The following SNAPC4 variants were observed in gnomAD, a reference collection of about 807,000 sequenced individuals.
The protein encoded by SNAPC4 is snRNA-activating protein complex subunit 4.
SNAPC4 carries 127 observed loss-of-function variants against 151.3 expected under a neutral mutation model. The ratio of observed to expected loss-of-function variants is 0.84; its 90% CI spans 0.73 to 0.97. The LOEUF (loss-of-function observed/expected upper bound fraction) is 0.97, where lower values mean the gene tolerates loss of function less well. Ranked by LOEUF, SNAPC4 falls within the 50% of genes least tolerant of loss-of-function variation. The pLI, the probability that SNAPC4 is intolerant of heterozygous loss-of-function variation, is 0.00. For synonymous variants in SNAPC4, 1,002 were observed against 824.4 expected (o/e 1.22, Z -3.69); for missense variants, 2,186 against 1,935.0 (o/e 1.13, Z -2.43).
chr9:136,378,432 C>A lies in SNAPC4; in HGVS notation c.3395G>T (p.Ser1132Ile). 1 of 1,594,864 alleles carries A rather than the reference C, an allele frequency of 6.3e-7. No individual in the cohort carries two copies. ...AQGPRAPALS[S>I]SWQPPANMNR... Reference sequence around the variant, plus strand: ...CATATTGGCTGGGGGCTGCCAAGAGCTGCTCAACGCTGGGGCCCTGGGGCC... The same window carrying A: ...CATATTGGCTGGGGGCTGCCAAGAGATGCTCAACGCTGGGGCCCTGGGGCC... The change falls in exon 22 of 24, where the codon AGC becomes ATC. Residue 1132 changes from serine to isoleucine, a missense_variant. Transcript: ENST00000684778.
Position 136,395,281 on chromosome 9 carries a change from G to A in SNAPC4, c.471+17C>T, listed in dbSNP as rs748903703. 19 of 1,610,852 alleles carry A rather than the reference G, an allele frequency of 1.2e-5. No individual in the cohort carries two copies. Among genetic ancestry groups the A allele is most frequent in the Middle Eastern group, 1.7e-4 (1 of 6,048 alleles). ...GTGCAGAGCCTTGCCGACAAGAGCA[G>A]GGCCTCGGCCACTCACCACGCCCGT... On this transcript the variant is annotated intron_variant, in intron 5 of 23. Coordinates refer to ENST00000684778, the MANE Select transcript of SNAPC4 (RefSeq NM_003086.4).
intron 18 of SNAPC4, 38 bp downstream of exon 18, chr9:136,381,786 C>T (rs755576623): frequency 9.4e-6 from 15 of 1,588,256 alleles, no homozygotes; most frequent in African/African-American, 2.7e-5. Context: ...CCTCACCCCT[C>T]GCCCCCAGGA....
rs771126580 is a variant in SNAPC4, at chr9:136,391,928, G to A, written c.975+14C>T. The A allele has an allele frequency of 1.3e-6, 2 of 1,599,398 alleles. No homozygotes were observed. The highest frequency in any genetic ancestry group is 2.2e-5 in the South Asian group (2 of 90,960). ...CAGGTCTCCTGGCCCCTGGGGTCCA[G>A]GCCAGGCCCTTACCCCCAGCTCCTC... On this transcript the variant is annotated intron_variant, in intron 10 of 23. Coordinates refer to ENST00000684778, the MANE Select transcript of SNAPC4 (RefSeq NM_003086.4).
intron 13 of SNAPC4, among the ~76,000 whole-genome samples, chr9:136,386,582 G>A (rs1166981712): frequency 6.9e-6 from 1 of 144,498 alleles, no homozygotes; most frequent in East Asian, 2.1e-4. Context: ...TTACAGGCAT[G>A]TGCCACCACG....
In SNAPC4 at chr9:136,387,803, C is replaced by T. The variant is rs1588755156; in HGVS notation, c.1169G>A (p.Arg390Gln). 4.3e-6 allele frequency: 7 copies of T among 1,612,800 alleles called. No homozygotes were observed. The highest frequency in any genetic ancestry group is 1.7e-4 in the Middle Eastern group (1 of 6,060). ...ACCAGGATCCAAGCTCTTGGTCCAT[C>T]GGTAGATCAGCTGCATGGAGTCTCT... ...EGRDSMQLIYRWTKSLDPGLK... is the reference protein window; with the variant it reads ...EGRDSMQLIYQWTKSLDPGLK... The change falls in exon 12 of 24, where the codon CGA (arginine) becomes CAA (glutamine). Residue 390 changes from arginine to glutamine, a missense_variant. Arg to Gln is a conservative substitution (Grantham distance 43, BLOSUM62 1). Transcript: ENST00000684778.
chr9:136,387,201 G>A (rs577383936), intron 13 of SNAPC4, among the ~76,000 whole-genome samples: 1 of 152,224 alleles, frequency 6.6e-6, no homozygotes, highest in Non-Finnish European at 1.5e-5. Flanking sequence ...AGACAACTAG[G>A]GTCAGGAAAA....
At chr9:136,400,082 C>G (rs1386341461) in intron 1 of SNAPC4, 52 bp downstream of exon 1, 5 of 152,140 alleles carry the variant, frequency 3.3e-5, no homozygotes, top group Admixed American at 3.3e-4. Flanking sequence ...ACGGGGAGAG[C>G]CCTGAAGCTG....
intron 17 of SNAPC4, 82 bp downstream of exon 17, chr9:136,382,171 C>A (rs1285709799): frequency 2.0e-5 from 31 of 1,586,714 alleles, no homozygotes; most frequent in Non-Finnish European, 2.7e-5. Context: ...CCCATCAGGG[C>A]ATGATCGACG....
At chr9:136,391,861 G>A (rs1048097885) in intron 10 of SNAPC4, 81 bp downstream of exon 10, 67 of 1,458,724 alleles carry the variant, frequency 4.6e-5, no homozygotes, top group Middle Eastern at 2.4e-4. Flanking sequence ...TGGGGACCCC[G>A]CACCCGTCCA....
At chr9:136,390,448 G>A (rs1334323987) in intron 10 of SNAPC4, among the ~76,000 whole-genome samples, 6 of 151,442 alleles carry the variant, frequency 4.0e-5, no homozygotes, top group African/African-American at 7.3e-5. Flanking sequence ...CCAGCTACTC[G>A]GGAGGCTGAG....
At position 136,381,363 on chromosome 9, in the gene SNAPC4, C is replaced by T; in HGVS notation, c.2347G>A (p.Ala783Thr). The change falls in exon 19 of 24, where the codon GCC becomes ACC. Residue 783 changes from alanine to threonine, a missense_variant. Ala to Thr is a moderately conservative substitution (Grantham distance 58, BLOSUM62 0). Coordinates refer to ENST00000684778, the MANE Select transcript of SNAPC4 (RefSeq NM_003086.4). ...ADGLREQLQQ[A>T]RLASTPVFTL... is the part of the protein sequence containing the mutation. Reference sequence around the variant, plus strand: ...AACACAGGGGTGCTGGCCAGGCGGGCCTGCTGCAGCTGCTCCCTGAGGCCA... The same window carrying T: ...AACACAGGGGTGCTGGCCAGGCGGGTCTGCTGCAGCTGCTCCCTGAGGCCA... 1 of 1,612,772 alleles carries T rather than the reference C, an allele frequency of 6.2e-7. No individual in the cohort carries two copies. Among genetic ancestry groups the T allele is most frequent in the South Asian group, 1.1e-5 (1 of 91,084 alleles).
Position 136,383,131 on chromosome 9 carries a change from GGCGA to G in SNAPC4, c.1983+51_1983+54del. 1 of 1,505,022 alleles carries G rather than the reference GGCGA, an allele frequency of 6.6e-7. No individual in the cohort carries two copies. The highest frequency in any genetic ancestry group is 8.9e-7 in the Non-Finnish European group (1 of 1,129,586). The allele number at this position is 1,505,022 out of a possible 1,614,324, so 93.2% of individuals were successfully genotyped here. On this transcript the variant is annotated intron_variant, in intron 16 of 23. Transcript: ENST00000684778. The surrounding 1 kb of genome is among the most constrained non-coding windows in gnomAD (Gnocchi z 4.2). ...TGCACTATCCCCAAGCGTCAGCCCTGGCGAGCGAGTGCCGAAAGTGCACTTCCCG... is the reference window on the plus strand; with the variant it reads ...TGCACTATCCCCAAGCGTCAGCCCTGGCGAGTGCCGAAAGTGCACTTCCCG...
intron 1 of SNAPC4, among the ~76,000 whole-genome samples, chr9:136,399,795 T>G (rs4330804): frequency 0.44 from 66,595 of 152,076 alleles, 14,725 homozygotes; most frequent in Admixed American, 0.53. Context: ...GCTCGCTGCG[T>G]GAACTGGGGA....
intron 10 of SNAPC4, among the ~76,000 whole-genome samples, chr9:136,389,528 A>G (rs1833998323): frequency 1.3e-5 from 2 of 151,544 alleles, no homozygotes; most frequent in South Asian, 2.1e-4. Flanking sequence ...GTTCACCACA[A>G]ACAAAACCAC....
At position 136,392,897 on chromosome 9, in the gene SNAPC4, C is replaced by T; in HGVS notation, c.633-120G>A. On this transcript the variant is annotated intron_variant, in intron 7 of 23. Transcript: ENST00000684778. ...GCAGAGATTCCGAGCCTCCCTCACC[C>T]TCCCTGCCTCGGCCTCCTCACCCAT... is the stretch of plus-strand genomic sequence containing the variant. 3 of 802,822 alleles carry T rather than the reference C, an allele frequency of 3.7e-6. 1 individual carries two copies. The highest frequency in any genetic ancestry group is 3.2e-5 in the South Asian group (2 of 61,928). The allele number at this position is 802,822 out of a possible 1,614,324, so 49.7% of individuals were successfully genotyped here.
At chr9:136,386,402 C>A (rs1393998779) in intron 13 of SNAPC4, among the ~76,000 whole-genome samples, 2 of 151,238 alleles carry the variant, frequency 1.3e-5, no homozygotes, top group Non-Finnish European at 2.9e-5. Flanking sequence ...ATACTAAATA[C>A]TAAAAACCAC....
intron 13 of SNAPC4, among the ~76,000 whole-genome samples, chr9:136,386,339 G>C (rs1365738055): frequency 6.6e-6 from 1 of 151,898 alleles, no homozygotes; most frequent in African/African-American, 2.4e-5. Context: ...TGGCTTTTTC[G>C]GGTGATGAAA....
chr9:136,386,470 C>T (rs1031377022), intron 13 of SNAPC4, among the ~76,000 whole-genome samples: 4 of 146,890 alleles, frequency 2.7e-5, no homozygotes, highest in Non-Finnish European at 3.0e-5. Flanking sequence ...GAGTTTCACT[C>T]GTCGCCCAGG....
intron 10 of SNAPC4, among the ~76,000 whole-genome samples, chr9:136,390,360 C>T (rs572183215): frequency 2.0e-5 from 3 of 152,000 alleles, no homozygotes; most frequent in Admixed American, 6.6e-5. Flanking sequence ...CTGAGACCAT[C>T]CTGGCTAACA....
Sources: allele counts gnomAD v4.1 joint callset (sites outside exome capture counted in the v4.1 genomes callset), GRCh38; gene constraint gnomAD v4.1.1; non-coding constraint Gnocchi (gnomAD v3.1); transcripts MANE v1.5; gene names NCBI Gene and HGNC (gene_info 2026-07-23, HGNC 2026-07-21).